EYS: variants seen among roughly 807,000 people sequenced by gnomAD.
EYS encodes EGF-like photoreceptor maintenance factor, also known as protein eyes shut homolog.
Under a neutral mutation model 282.1 loss-of-function variants are expected in EYS, and 250 were observed. The observed-to-expected ratio is 0.89, with a 90% confidence interval of 0.80 to 0.98. The LOEUF is 0.98. EYS is among the 50% of genes least tolerant of loss of function. The pLI is 0.00. For missense variants in EYS, 4,016 were observed against 3,709.0 expected (o/e 1.08, Z -2.15); for synonymous variants, 1,355 against 1,282.9 (o/e 1.06, Z -1.20).
intron 2 of EYS, among the ~76,000 whole-genome samples, chr6:65,531,472 T>C (rs1767766617): frequency 1.3e-5 from 2 of 152,146 alleles, no homozygotes; most frequent in Admixed American, 6.5e-5. Flanking sequence ...TGTGGCCTCA[T>C]TATAATCTGA....
Position 64,314,194 on chromosome 6 carries a change from C to CAAAAA in EYS, c.6079-7117_6079-7113dup, listed in dbSNP as rs138447983. Reference sequence around the variant, plus strand: ...GAAGATTTACTAAACAAATGGAAAGCAAAAAAAAAAAAAAAAAAAAAAAAG... The same window carrying CAAAAA: ...GAAGATTTACTAAACAAATGGAAAGCAAAAAAAAAAAAAAAAAAAAAAAAAAAAAG... On this transcript the variant is annotated intron_variant, in intron 29 of 42. Coordinates refer to ENST00000503581, the MANE Select transcript of EYS (RefSeq NM_001142800.2). Among the ~76,000 whole-genome samples the CAAAAA allele has an allele frequency of 6.6e-3, 183 of 27,656 alleles. 28 individuals carry two copies. Among genetic ancestry groups the CAAAAA allele is most frequent in the African/African-American group, 0.015 (97 of 6,476 alleles). 18.1% of individuals were successfully genotyped at this position (27,656 alleles called of 152,430 possible). A position where few individuals can be genotyped will look rare whatever the true frequency, so the allele number is the denominator to read the frequency against.
chr6:63,942,057 G>T (rs946152798), intron 35 of EYS, among the ~76,000 whole-genome samples: 7 of 152,112 alleles, frequency 4.6e-5, no homozygotes, highest in Admixed American at 1.3e-4. Context: ...AGTCTACATA[G>T]TTTTTAGGAA....
At position 65,176,719 on chromosome 6, in the gene EYS, T is replaced by C. The variant is rs184031021; in HGVS notation, c.2024-118992A>G. The stretch of plus-strand genomic sequence containing the variant: ...CTTGTCTATAAATTAGAGATAGTAA[T>C]GTCTATGCAAAGATTTTAAGAATTA... On this transcript the variant is annotated intron_variant, in intron 12 of 42. Transcript: ENST00000503581. Among the ~76,000 whole-genome samples the C allele has an allele frequency of 1.5e-3, 221 of 151,760 alleles. 3 individuals are homozygous for C. Among genetic ancestry groups the C allele is most frequent in the African/African-American group, 4.7e-3 (194 of 41,530 alleles).
intron 33 of EYS, among the ~76,000 whole-genome samples, chr6:64,026,024 T>C (rs1010219120): frequency 6.6e-6 from 1 of 152,194 alleles, no homozygotes; most frequent in Non-Finnish European, 1.5e-5. Context: ...CAGTAGGGAC[T>C]ACTAAATCCA....
chr6:65,385,393 C>T (rs1003439875), intron 7 of EYS, among the ~76,000 whole-genome samples: 33 of 151,812 alleles, frequency 2.2e-4, no homozygotes, highest in Non-Finnish European at 4.4e-5. Flanking sequence ...CAATAAAATG[C>T]TTTAGTAATT....
At chr6:64,102,051 T>G (rs191253389) in intron 31 of EYS, among the ~76,000 whole-genome samples, 69 of 152,172 alleles carry the variant, frequency 4.5e-4, no homozygotes, top group African/African-American at 1.3e-3. Flanking sequence ...GAAGCTTCGC[T>G]GGATCACCCA....
chr6:64,427,668 C>G (rs1774452355), intron 28 of EYS, among the ~76,000 whole-genome samples: 1 of 151,926 alleles, frequency 6.6e-6, no homozygotes. Context: ...CTGAAGGAAG[C>G]AAATATAGGC....
chr6:64,837,667 G>GAT lies in EYS; in HGVS notation c.2993-14847_2993-14846dup, dbSNP rs199883144. 1.7e-3 allele frequency among the ~76,000 whole-genome samples: 182 copies of GAT among 109,400 alleles called. 1 individual carries two copies. The highest frequency in any genetic ancestry group is 0.013 in the East Asian group (55 of 4,126). The allele number at this position is 109,400 out of a possible 152,430, so 71.8% of individuals were successfully genotyped here. On this transcript the variant is annotated intron_variant, in intron 19 of 42. Coordinates refer to ENST00000503581, the MANE Select transcript of EYS (RefSeq NM_001142800.2). The stretch of plus-strand genomic sequence containing the variant: ...TATATATGATATATGATATGTATAT[G>GAT]ATATATATATATATAGGATATATAT...
At chr6:64,579,210 A>C (rs1765984979) in intron 26 of EYS, among the ~76,000 whole-genome samples, 1 of 152,122 alleles carries the variant, frequency 6.6e-6, no homozygotes, top group South Asian at 2.1e-4. Flanking sequence ...GGAGTGAGAG[A>C]TGCTCTTCAC....
intron 12 of EYS, among the ~76,000 whole-genome samples, chr6:65,183,981 C>T (rs678129): frequency 3.3e-5 from 5 of 151,590 alleles, no homozygotes; most frequent in Admixed American, 6.6e-5. Context: ...TCAATGGAAT[C>T]GGAATTCCAT....
Position 64,388,798 on chromosome 6 carries a change from C to T in EYS, c.5970G>A (p.Gly1990=), listed in dbSNP as rs2150425033. The T allele has an allele frequency of 1.9e-6, 3 of 1,542,564 alleles. No homozygotes were observed. The highest frequency in any genetic ancestry group is 2.6e-6 in the Non-Finnish European group (3 of 1,142,670). The part of the protein sequence containing the change: ...DPCNAELTIL[G]RNTQICESIN... The stretch of plus-strand genomic sequence containing the variant: ...TAGATTCGCATATTTGTGTATTCCT[C>T]CCTAAAATAGTCAGCTCAGCGTTAC... The change falls in exon 29 of 43, where the codon GGG becomes GGA. Residue 1990 remains glycine, a synonymous_variant. Transcript: ENST00000503581.
At chr6:64,317,035 C>T (rs942962388) in intron 29 of EYS, among the ~76,000 whole-genome samples, 5 of 152,068 alleles carry the variant, frequency 3.3e-5, no homozygotes, top group Non-Finnish European at 5.9e-5. Flanking sequence ...AACTGGATCC[C>T]CTCCTTACAC....
intron 29 of EYS, among the ~76,000 whole-genome samples, chr6:64,362,888 C>A (rs1403974998): frequency 7.8e-6 from 1 of 128,900 alleles, no homozygotes; most frequent in Admixed American, 7.5e-5. Context: ...TTACATCATT[C>A]TCTTTTAAAG....
chr6:65,146,256 C>T (rs1042863267), intron 12 of EYS, among the ~76,000 whole-genome samples: 1 of 99,754 alleles, frequency 1.0e-5, no homozygotes, highest in African/African-American at 3.1e-5. Flanking sequence ...CCCCCAAGGC[C>T]AAAGTTCAAA....
At chr6:65,367,173 G>A (rs35877097) in intron 8 of EYS, among the ~76,000 whole-genome samples, 28,097 of 151,418 alleles carry the variant, frequency 0.19, 2,956 homozygotes, top group South Asian at 0.34. Flanking sequence ...GAAAGTTTAC[G>A]TTCTGGTTTC....
chr6:64,774,602 T>C (rs1488313874), intron 22 of EYS, among the ~76,000 whole-genome samples: 2 of 151,958 alleles, frequency 1.3e-5, no homozygotes, highest in Non-Finnish European at 2.9e-5. Context: ...GACTTCATTT[T>C]CTGTCCTTGA....
At chr6:64,169,172 G>T (rs1764396038) in intron 31 of EYS, among the ~76,000 whole-genome samples, 1 of 152,126 alleles carries the variant, frequency 6.6e-6, no homozygotes. Flanking sequence ...TACTATAGAG[G>T]TGTTACTCAG....
At chr6:65,268,814 T>TA (rs5876957) in intron 12 of EYS, among the ~76,000 whole-genome samples, 69,703 of 150,780 alleles carry the variant, frequency 0.46, 16,611 homozygotes, top group East Asian at 0.77. Context: ...AGTTTTTTTT[T>TA]AAAAAAAAGA....
intron 31 of EYS, among the ~76,000 whole-genome samples, chr6:64,128,218 T>A (rs1773848238): frequency 6.6e-6 from 1 of 152,158 alleles, no homozygotes; most frequent in Admixed American, 6.5e-5. Context: ...CCTTTGGATG[T>A]TTCAATTGCA....
Sources: gnomAD v4.1 joint callset for allele counts (sites outside exome capture counted in the v4.1 genomes callset) on GRCh38, gnomAD v4.1.1 for gene constraint, MANE v1.5 for transcripts, NCBI Gene and HGNC (gene_info 2026-07-23, HGNC 2026-07-21) for gene names.